Variants in C10orf71 observed in about 807,000 individuals in gnomAD.
C10orf71 encodes the protein cardiac-enriched FHL2-interacting protein.
For missense variants in C10orf71, 1,869 were observed against 1,804.5 expected (o/e 1.04, Z -0.65); for synonymous variants, 758 against 726.3 (o/e 1.04, Z -0.70).
At chr10:49,303,115 C>T (rs1387048173) in intron 1 of C10orf71, among the ~76,000 whole-genome samples, 1 of 152,156 alleles carries the variant, frequency 6.6e-6, no homozygotes, top group Non-Finnish European at 1.5e-5. Flanking sequence ...CCTATACCTT[C>T]CAGAGTCACC....
At chr10:49,318,099 C>T (rs1301968229) in intron 2 of C10orf71, among the ~76,000 whole-genome samples, 1 of 152,222 alleles carries the variant, frequency 6.6e-6, no homozygotes, top group Non-Finnish European at 1.5e-5. Flanking sequence ...TTTGTTACGG[C>T]AGCCCCAGCA....
In C10orf71 at chr10:49,322,895, C is replaced by T. The variant is rs762916476; in HGVS notation, c.350C>T (p.Pro117Leu). 17 of 1,613,872 alleles carry T rather than the reference C, an allele frequency of 1.1e-5. No homozygotes were observed. In the South Asian group the frequency reaches 1.9e-4, roughly 18 times the overall value. The change falls in exon 3 of 3, where the codon CCC becomes CTC. Residue 117 changes from proline to leucine, a missense_variant. Coordinates refer to ENST00000374144, the MANE Select transcript of C10orf71 (RefSeq NM_001135196.2). ...GAGGAAAAGTACCCCAAAACCAGCC[C>T]CCCACCAACGCCAGTCCAGAGGAGA... ...QGEEKYPKTS[P>L]PPTPVQRRLE... is the part of the protein sequence containing the mutation.
chr10:49,318,733 G>T (rs1849040809), intron 2 of C10orf71, among the ~76,000 whole-genome samples: 1 of 152,238 alleles, frequency 6.6e-6, no homozygotes, highest in South Asian at 2.1e-4. Flanking sequence ...GCCTATGCCA[G>T]GATGCTACCC....
Position 49,325,506 on chromosome 10 carries a change from C to T in C10orf71, c.2961C>T (p.Ser987=), listed in dbSNP as rs866082565. Residue 987 remains serine (S), a synonymous_variant, in exon 3 of 3, where the codon AGC becomes AGT. Transcript: ENST00000374144. ...APGLVASNCK[S]GSADSGKLAA... ...GCCTCGTGGCAAGCAATTGCAAGAG[C>T]GGTTCTGCAGACTCAGGGAAGCTGG... 1.9e-6 allele frequency: 3 copies of T among 1,550,468 alleles called. No homozygotes were observed. Among genetic ancestry groups the T allele is most frequent in the East Asian group, 4.9e-5 (2 of 40,908 alleles).
chr10:49,309,073 G>A (rs1848866501), intron 1 of C10orf71, among the ~76,000 whole-genome samples: 1 of 152,244 alleles, frequency 6.6e-6, no homozygotes, highest in Non-Finnish European at 1.5e-5. Flanking sequence ...CAAGGAATAA[G>A]TGAGCACGGG....
chr10:49,311,415 A>T (rs879943709), intron 1 of C10orf71, among the ~76,000 whole-genome samples: 2 of 152,242 alleles, frequency 1.3e-5, no homozygotes, highest in South Asian at 2.1e-4. Flanking sequence ...AGACAAGGGC[A>T]ACATGGACCT....
rs1849118561 is a variant in C10orf71 at position 49,322,720 on chromosome 10, A to G, written c.175A>G (p.Ile59Val). The change falls in exon 3 of 3, where the codon ATC becomes GTC. Residue 59 changes from isoleucine (I) to valine (V), a missense_variant. Ile to Val is a conservative substitution (Grantham distance 29). Transcript: ENST00000374144. Reference protein sequence around the residue: ...HDSYLAVSPDITRQVFGTFHQ... With the variant: ...HDSYLAVSPDVTRQVFGTFHQ... ...CTCCTATCTGGCTGTGTCCCCGGAT[A>G]TCACCCGACAGGTGTTTGGGACTTT... is the stretch of plus-strand genomic sequence containing the variant. 1 of 1,614,018 alleles carries G rather than the reference A, an allele frequency of 6.2e-7. No homozygotes were observed.
At chr10:49,311,956 T>TGAGGC (rs1428639412) in intron 1 of C10orf71, among the ~76,000 whole-genome samples, 4 of 152,192 alleles carry the variant, frequency 2.6e-5, no homozygotes, top group African/African-American at 7.2e-5. Context: ...AACAGCATCA[T>TGAGGC]GAGGCATGGC....
intron 2 of C10orf71, among the ~76,000 whole-genome samples, chr10:49,319,085 C>G (rs1449036918): frequency 6.6e-6 from 1 of 152,214 alleles, no homozygotes; most frequent in Non-Finnish European, 1.5e-5. Context: ...GAACACTTAA[C>G]AGCACCCTGC....
Position 49,326,127 on chromosome 10 carries a change from G to A in C10orf71, c.3582G>A (p.Thr1194=). 2 of 1,551,710 alleles carry A rather than the reference G, an allele frequency of 1.3e-6. No homozygotes were observed. Among genetic ancestry groups the A allele is most frequent in the Non-Finnish European group, 8.7e-7 (1 of 1,146,990 alleles). ...AGCTGGCAAGTAAGAGGAGGAAGAC[G>A]GATCAGGCTCAGGAGAAGCATGGCG... The part of the protein sequence containing the change: ...AKKLASKRRK[T]DQAQEKHGES... The change falls in exon 3 of 3, where the codon ACG becomes ACA. Residue 1194 remains threonine (T), a synonymous_variant. Coordinates refer to ENST00000374144, the MANE Select transcript of C10orf71 (RefSeq NM_001135196.2).
In C10orf71 at chr10:49,323,798, A is replaced by T. The variant is rs748489790; in HGVS notation, c.1253A>T (p.Gln418Leu). The change falls in exon 3 of 3, where the codon CAG becomes CTG. Residue 418 changes from glutamine to leucine, a missense_variant. Transcript: ENST00000374144. ...GPPLYTKHNPQEQFSENNALD... is the reference protein window; with the variant it reads ...GPPLYTKHNPLEQFSENNALD... ...CCTTTGTATACAAAACACAACCCCCAGGAACAGTTTTCAGAAAACAATGCT... is the reference window on the plus strand; with the variant it reads ...CCTTTGTATACAAAACACAACCCCCTGGAACAGTTTTCAGAAAACAATGCT... 11 of 1,613,860 alleles carry T rather than the reference A, an allele frequency of 6.8e-6. No homozygotes were observed. In the African/African-American group the frequency reaches 1.3e-4, roughly 20 times the overall value.
intron 2 of C10orf71, among the ~76,000 whole-genome samples, chr10:49,319,383 T>C (rs1268829402): frequency 6.7e-6 from 1 of 149,788 alleles, no homozygotes; most frequent in East Asian, 1.9e-4. Flanking sequence ...GTTGCAAGGA[T>C]GTGGAGAAAC....
intron 1 of C10orf71, among the ~76,000 whole-genome samples, chr10:49,307,208 G>C (rs1022459021): frequency 6.6e-6 from 1 of 152,122 alleles, no homozygotes; most frequent in Non-Finnish European, 1.5e-5. Context: ...GACGCCAAGG[G>C]CACCTCTGAG....
chr10:49,297,835 G>C (rs950753093), upstream of C10orf71, among the ~76,000 whole-genome samples: 1 of 152,240 alleles, frequency 6.6e-6, no homozygotes, highest in Non-Finnish European at 1.5e-5. Context: ...GGGAGGTAGG[G>C]AGGTGGGTGG....
chr10:49,320,552 C>T (rs910091772), intron 2 of C10orf71, among the ~76,000 whole-genome samples: 3 of 152,192 alleles, frequency 2.0e-5, no homozygotes, highest in East Asian at 1.9e-4. Context: ...ACTTAATCTT[C>T]GATCATGCTT....
chr10:49,317,027 C>G (rs566903657), intron 2 of C10orf71, among the ~76,000 whole-genome samples: 1 of 152,298 alleles, frequency 6.6e-6, no homozygotes, highest in East Asian at 1.9e-4. Flanking sequence ...AAATTTAGGT[C>G]TCCAACTAAC....
chr10:49,318,564 A>C, intron 2 of C10orf71, among the ~76,000 whole-genome samples: 2 of 152,314 alleles, frequency 1.3e-5, no homozygotes, highest in Middle Eastern at 3.4e-3. Context: ...TCCTTTCTCC[A>C]GCTTAGTTCT....
At chr10:49,311,825 G>T (rs1848919044) in intron 1 of C10orf71, among the ~76,000 whole-genome samples, 1 of 152,186 alleles carries the variant, frequency 6.6e-6, no homozygotes, top group Non-Finnish European at 1.5e-5. Flanking sequence ...AGGAAGGAGG[G>T]TGTGGGAGCA....
chr10:49,300,461 C>CAA (rs60669434), intron 1 of C10orf71, among the ~76,000 whole-genome samples: 4,122 of 108,492 alleles, frequency 0.038, 106 homozygotes, highest in African/African-American at 0.051. Flanking sequence ...CAATTTAATA[C>CAA]AAAAAAAAAA....
Sources: gnomAD v4.1 joint callset for allele counts (sites outside exome capture counted in the v4.1 genomes callset) on GRCh38, gnomAD v4.1.1 for gene constraint, MANE v1.5 for transcripts, NCBI Gene and HGNC (gene_info 2026-07-23, HGNC 2026-07-21) for gene names.